LHFPL6: variants seen among roughly 807,000 people sequenced by gnomAD.
LHFPL6 encodes the protein LHFPL tetraspan subfamily member 6 protein.
In LHFPL6, 9 loss-of-function variants were observed where a neutral mutation model predicts 20.6. The ratio of observed to expected loss-of-function variants is 0.44; its 90% CI spans 0.26 to 0.76. LHFPL6 has a LOEUF of 0.76. LHFPL6 is among the 30% of genes least tolerant of loss of function. The probability of loss-of-function intolerance (pLI) is 0.20; values close to 1 mark genes in which losing one functional copy is unlikely to be tolerated. For missense variants in LHFPL6, 218 were observed against 253.5 expected (o/e 0.86, Z 0.95); for synonymous variants, 105 against 98.7 (o/e 1.06, Z -0.38).
intron 2 of LHFPL6, among the ~76,000 whole-genome samples, chr13:39,409,402 T>G (rs1341651903): frequency 2.6e-5 from 4 of 151,932 alleles, no homozygotes; most frequent in Non-Finnish European, 4.4e-5. Flanking sequence ...TGCAGTGAGC[T>G]GGGATTGCAC....
chr13:39,534,860 A>G (rs1467390985), intron 2 of LHFPL6, among the ~76,000 whole-genome samples: 1 of 152,102 alleles, frequency 6.6e-6, no homozygotes, highest in African/African-American at 2.4e-5. Context: ...CCCTCTCACT[A>G]CCCATTTTAT....
intron 2 of LHFPL6, among the ~76,000 whole-genome samples, chr13:39,417,339 C>A (rs1871374523): frequency 2.0e-5 from 3 of 152,248 alleles, no homozygotes; most frequent in Non-Finnish European, 4.4e-5. Flanking sequence ...GTCACACCAG[C>A]TGCATAATAT....
chr13:39,601,088 G>A lies in LHFPL6; in HGVS notation c.129C>T (p.Ser43=), dbSNP rs1872928827. ...LWGSQLGKPV[S]FGTFRRCSYP... ...ATGAGCACCTCCGGAAGGTACCGAA[G>A]GACACAGGCTTGCCCAGCTGTGATC... is the stretch of plus-strand genomic sequence containing the variant. The change falls in exon 2 of 4, where the codon TCC becomes TCT. Residue 43 remains serine (S), a synonymous_variant. Coordinates refer to ENST00000379589, the MANE Select transcript of LHFPL6 (RefSeq NM_005780.3). 2.5e-6 allele frequency: 4 copies of A among 1,614,212 alleles called. No individual in the cohort carries two copies. The highest frequency in any genetic ancestry group is 3.4e-6 in the Non-Finnish European group (4 of 1,180,044).
chr13:39,502,369 A>C (rs1869320725), intron 2 of LHFPL6, among the ~76,000 whole-genome samples: 1 of 152,134 alleles, frequency 6.6e-6, no homozygotes, highest in African/African-American at 2.4e-5. Flanking sequence ...CTGTAATCGC[A>C]GCACTTTGAG....
rs183988765 is a variant in LHFPL6 at position 39,440,990 on chromosome 13, C to G, written c.386-62464G>C. ...TCTGCCATGATTGTGAGGCCTCCCC[C>G]CCAGCCATGCGAAACTGTAAGTCCA... On this transcript the variant is annotated intron_variant, in intron 2 of 3. Transcript: ENST00000379589. Among the ~76,000 whole-genome samples, 214 of 152,204 alleles carry G rather than the reference C, an allele frequency of 1.4e-3. 6 individuals are homozygous for G. The South Asian group carries it at 0.038, about 27-fold the overall frequency.
intron 2 of LHFPL6, among the ~76,000 whole-genome samples, chr13:39,440,317 G>T (rs573976772): frequency 4.9e-4 from 74 of 152,168 alleles, no homozygotes; most frequent in African/African-American, 1.5e-3. Flanking sequence ...CTTTGGTGTG[G>T]TCTACACTCT....
intron 2 of LHFPL6, among the ~76,000 whole-genome samples, chr13:39,530,536 A>T (rs1332235619): frequency 6.6e-6 from 1 of 152,154 alleles, no homozygotes; most frequent in African/African-American, 2.4e-5. Context: ...TTCAAAGGGC[A>T]CCAGCCTCTT....
chr13:39,523,345 G>A (rs988151458), intron 2 of LHFPL6, among the ~76,000 whole-genome samples: 13 of 152,082 alleles, frequency 8.5e-5, no homozygotes, highest in Non-Finnish European at 1.2e-4. Context: ...CGAGGCGGGC[G>A]GATCACGAGG....
chr13:39,357,919 A>G (rs1196344305), intron 3 of LHFPL6, among the ~76,000 whole-genome samples: 1 of 152,186 alleles, frequency 6.6e-6, no homozygotes, highest in African/African-American at 2.4e-5. Context: ...GCTACCAACC[A>G]TTAATATCAA....
chr13:39,384,837 C>T (rs752488418), intron 2 of LHFPL6, among the ~76,000 whole-genome samples: 11 of 152,058 alleles, frequency 7.2e-5, no homozygotes, highest in Admixed American at 6.6e-5. Flanking sequence ...CCTTTGTCAC[C>T]GCCATAAAAG....
At chr13:39,412,917 C>T (rs926221375) in intron 2 of LHFPL6, among the ~76,000 whole-genome samples, 9 of 102,008 alleles carry the variant, frequency 8.8e-5, no homozygotes, top group Admixed American at 4.6e-4. Flanking sequence ...GCAATACTCC[C>T]GTCTCAAAAA....
intron 2 of LHFPL6, among the ~76,000 whole-genome samples, chr13:39,428,363 T>C (rs1871698101): frequency 6.6e-6 from 1 of 152,212 alleles, no homozygotes; most frequent in Non-Finnish European, 1.5e-5. Context: ...ATAGAGAAGG[T>C]ATTTTACTAC....
intron 2 of LHFPL6, among the ~76,000 whole-genome samples, chr13:39,600,170 C>T (rs148496791): frequency 1.3e-5 from 2 of 152,364 alleles, no homozygotes; most frequent in African/African-American, 4.8e-5. Flanking sequence ...CCATCTGGGA[C>T]AAGCACACAT....
chr13:39,584,897 A>C (rs1872400973), intron 2 of LHFPL6, among the ~76,000 whole-genome samples: 1 of 152,200 alleles, frequency 6.6e-6, no homozygotes, highest in South Asian at 2.1e-4. Context: ...AGGAAGAAGA[A>C]ATAATACAGG....
intron 2 of LHFPL6, among the ~76,000 whole-genome samples, chr13:39,543,546 C>T: frequency 6.6e-6 from 1 of 152,254 alleles, no homozygotes; most frequent in South Asian, 2.1e-4. Context: ...TCTTTTACTT[C>T]GTCATAGTCC....
At chr13:39,354,690 C>A (rs181645568) in intron 3 of LHFPL6, among the ~76,000 whole-genome samples, 1 of 152,028 alleles carries the variant, frequency 6.6e-6, no homozygotes, top group African/African-American at 2.4e-5. Flanking sequence ...TAAAAAGACA[C>A]GGCCATTTTA....
chr13:39,575,690 T>A (rs1016744949), intron 2 of LHFPL6, among the ~76,000 whole-genome samples: 4 of 152,160 alleles, frequency 2.6e-5, no homozygotes, highest in Non-Finnish European at 4.4e-5. Context: ...AAGTTCAAAA[T>A]TCCGAAGTGG....
rs569463950 is a variant in LHFPL6 at position 39,384,448 on chromosome 13, T to A, written c.386-5922A>T. 2.0e-5 allele frequency among the ~76,000 whole-genome samples: 3 copies of A among 152,310 alleles called. No individual in the cohort carries two copies. The East Asian group carries it at 5.8e-4, about 29-fold the overall frequency. On this transcript the variant is annotated intron_variant, in intron 2 of 3. Coordinates refer to ENST00000379589, the MANE Select transcript of LHFPL6 (RefSeq NM_005780.3). ...GTACTATTTTGTAAAGTAGAGGCAA[T>A]TAAATGTAAAAGTGAGAACATCTTT... is the stretch of plus-strand genomic sequence containing the variant.
intron 3 of LHFPL6, among the ~76,000 whole-genome samples, chr13:39,370,812 T>C (rs77539972): frequency 0.056 from 8,544 of 152,324 alleles, 436 homozygotes; most frequent in African/African-American, 0.13. Context: ...TCATATTGAA[T>C]GTCACAGAGA....
Sources: gnomAD v4.1 joint callset for allele counts (sites outside exome capture counted in the v4.1 genomes callset) on GRCh38, gnomAD v4.1.1 for gene constraint, MANE v1.5 for transcripts, NCBI Gene and HGNC (gene_info 2026-07-23, HGNC 2026-07-21) for gene names.